Variants in MUC17 observed in about 807,000 individuals in gnomAD.
The protein encoded by MUC17 is mucin-17.
A neutral mutation model predicts 170.3 loss-of-function variants in MUC17; 190 were observed. The observed-to-expected ratio is 1.12, with a 90% CI of 0.99 to 1.26. The LOEUF (loss-of-function observed/expected upper bound fraction) is 1.26, where lower values mean the gene tolerates loss of function less well. Ranked by LOEUF, MUC17 falls within the 50% of genes most tolerant of loss-of-function variation. The probability of loss-of-function intolerance (pLI) is 0.00; values close to 1 mark genes in which losing one functional copy is unlikely to be tolerated. For synonymous variants in MUC17, 2,325 were observed against 2,002.5 expected (o/e 1.16, Z -4.30); for missense variants, 6,415 against 5,530.0 (o/e 1.16, Z -5.08).
At chr7:101,051,581 G>A in intron 7 of MUC17, 32 bp from the exon 8 acceptor site, 6 of 1,610,748 alleles carry the variant, frequency 3.7e-6, no homozygotes, top group Non-Finnish European at 4.2e-6. Context: ...GCGTGTATGT[G>A]TCGTGAGGGG....
At chr7:101,047,037 C>T (rs1345483626) in intron 3 of MUC17, among the ~76,000 whole-genome samples, 6 of 150,838 alleles carry the variant, frequency 4.0e-5, no homozygotes, top group Admixed American at 2.0e-4. Context: ...GCCGAGATCA[C>T]GCCACTGCAC....
At chr7:101,047,366 T>C (rs1253917030) in intron 3 of MUC17, among the ~76,000 whole-genome samples, 1 of 152,028 alleles carries the variant, frequency 6.6e-6, no homozygotes, top group African/African-American at 2.4e-5. Flanking sequence ...TTTCTTCACG[T>C]TTTTGGGGTA....
rs1398936970 is a variant in MUC17, at chr7:101,049,357, G to T, written c.12697G>T (p.Val4233Phe). The T allele has an allele frequency of 6.2e-7, 1 of 1,613,758 alleles. No homozygotes were observed. The highest frequency in any genetic ancestry group is 1.7e-5 in the Admixed American group (1 of 59,962). ...TGTGTATTCCGGGATCCCTGAGTAT[G>T]TCGGGGTGAACATCACAAAGCTACG... ...NIVYSGIPEY[V>F]GVNITKLRLG... Residue 4233 changes from valine (V) to phenylalanine (F), a missense_variant, in exon 6 of 13, where the codon GTC (valine) becomes TTC (phenylalanine). Val to Phe is a conservative substitution (Grantham distance 50). Coordinates refer to ENST00000306151, the MANE Select transcript of MUC17 (RefSeq NM_001040105.2).
intron 3 of MUC17, among the ~76,000 whole-genome samples, chr7:101,047,575 A>G (rs1036684436): frequency 6.6e-6 from 1 of 152,156 alleles, no homozygotes; most frequent in Non-Finnish European, 1.5e-5. Flanking sequence ...CACACTTGTA[A>G]TCCCAGCACT....
rs1199781515 is a variant in MUC17, at chr7:101,051,891, G to C, written c.13032G>C (p.Glu4344Asp). The change falls in exon 9 of 13, where the codon GAG becomes GAC. Residue 4344 changes from glutamate to aspartate, a missense_variant. Glu to Asp is a conservative substitution (Grantham distance 45). Coordinates refer to ENST00000306151, the MANE Select transcript of MUC17 (RefSeq NM_001040105.2). ...AGCCATACTGCATCAGCCCCTGTGA[G>C]CCTGGCTTCAGTGTCTCCAAGAACT... The part of the protein sequence containing the change: ...DQKPYCISPC[E>D]PGFSVSKNCN... 5.6e-6 allele frequency: 9 copies of C among 1,614,112 alleles called. No individual in the cohort carries two copies. The highest frequency in any genetic ancestry group is 7.6e-6 in the Non-Finnish European group (9 of 1,180,036).
At chr7:101,024,147 T>G (rs1218781177) in intron 1 of MUC17, among the ~76,000 whole-genome samples, 1 of 152,080 alleles carries the variant, frequency 6.6e-6, no homozygotes, top group African/African-American at 2.4e-5. Flanking sequence ...ATGCCTGTAA[T>G]CCCAGCCCTT....
At chr7:101,045,596 T>C (rs1794826068) in intron 3 of MUC17, among the ~76,000 whole-genome samples, 1 of 152,188 alleles carries the variant, frequency 6.6e-6, no homozygotes, top group South Asian at 2.1e-4. Context: ...TTTCACCATG[T>C]TGGCCAGGCT....
In MUC17 at chr7:101,020,135, G is replaced by A. The variant is rs928278611; in HGVS notation, c.-1G>A. 7.5e-6 allele frequency: 12 copies of A among 1,593,980 alleles called. No individual in the cohort carries two copies. The highest frequency in any genetic ancestry group is 2.3e-5 in the East Asian group (1 of 43,444). Reference sequence around the variant, plus strand: ...GCAAGTGAGACGTGCTCAGAGCTCCGATGCCAAGGCCAGGGACCATGGCGC... The same window carrying A: ...GCAAGTGAGACGTGCTCAGAGCTCCAATGCCAAGGCCAGGGACCATGGCGC... On this transcript the variant is annotated 5_prime_UTR_variant, in exon 1 of 13. Coordinates refer to ENST00000306151, the MANE Select transcript of MUC17 (RefSeq NM_001040105.2).
chr7:101,050,660 G>A (rs1177962692), intron 7 of MUC17, 25 bp downstream of exon 7: 3 of 1,608,684 alleles, frequency 1.9e-6, no homozygotes, highest in South Asian at 2.2e-5. Flanking sequence ...TCCAGGGAGG[G>A]AAGGGAGAAG....
chr7:101,048,590 T>G (rs1487855378), intron 4 of MUC17, among the ~76,000 whole-genome samples: 1 of 125,790 alleles, frequency 7.9e-6, no homozygotes, highest in Non-Finnish European at 1.6e-5. Flanking sequence ...AACAATACCC[T>G]GTCAAAAAAA....
intron 6 of MUC17, among the ~76,000 whole-genome samples, chr7:101,049,918 G>T (rs1179278022): frequency 6.6e-6 from 1 of 152,118 alleles, no homozygotes; most frequent in Non-Finnish European, 1.5e-5. Flanking sequence ...ATTATTTGAG[G>T]CCGGGAGCAC....
At position 101,037,094 on chromosome 7, in the gene MUC17, T is replaced by C; in HGVS notation, c.5678T>C (p.Val1893Ala). Residue 1893 changes from valine to alanine, a missense_variant, in exon 3 of 13, where the codon GTC (valine) becomes GCC (alanine). Physicochemically the swap from Val to Ala is moderately conservative, Grantham distance 64. Coordinates refer to ENST00000306151, the MANE Select transcript of MUC17 (RefSeq NM_001040105.2). ...ETNTLSTTPAVTSTPVTTYAQ... is the reference protein window; with the variant it reads ...ETNTLSTTPAATSTPVTTYAQ... ...AACACCCTTTCAACAACTCCCGCTG[T>C]CACCAGCACACCTGTGACCACTTAT... is the stretch of plus-strand genomic sequence containing the variant. The C allele has an allele frequency of 6.5e-7, 1 of 1,537,402 alleles. No individual in the cohort carries two copies. Among genetic ancestry groups the C allele is most frequent in the Non-Finnish European group, 8.6e-7 (1 of 1,163,378 alleles).
intron 4 of MUC17, among the ~76,000 whole-genome samples, 169 bp from the exon 5 acceptor site, chr7:101,048,675 TA>T (rs948913813): frequency 2.5e-4 from 38 of 150,520 alleles, no homozygotes; most frequent in African/African-American, 9.3e-4. Flanking sequence ...AGAAAATGAA[TA>T]AAAAGGAAAG....
Position 101,039,896 on chromosome 7 carries a change from C to A in MUC17, c.8480C>A (p.Ala2827Asp), listed in dbSNP as rs747710954. The change falls in exon 3 of 13, where the codon GCT becomes GAT. Residue 2827 changes from alanine (A) to aspartate (D), a missense_variant. By Grantham distance (126) the Ala-to-Asp change is moderately radical. Coordinates refer to ENST00000306151, the MANE Select transcript of MUC17 (RefSeq NM_001040105.2). ...CACACGCCAGTGGCCAGTTCTGAGG[C>A]TGGCACCCTTTCAACAACTCCTGTT... ...VNHTPVASSEAGTLSTTPVDT... is the reference protein window; with the variant it reads ...VNHTPVASSEDGTLSTTPVDT... 31 of 1,613,070 alleles carry A rather than the reference C, an allele frequency of 1.9e-5. No homozygotes were observed. The highest frequency in any genetic ancestry group is 2.5e-5 in the Non-Finnish European group (30 of 1,179,708).
In MUC17 at chr7:101,058,377, G is replaced by T. The variant is rs968728378; in HGVS notation, c.*333G>T. ...TGATTTGGTTGATCTGGCTGAGCAGGCGGGTGTCCCCGTCCTCCCTCACTG... is the reference window on the plus strand; with the variant it reads ...TGATTTGGTTGATCTGGCTGAGCAGTCGGGTGTCCCCGTCCTCCCTCACTG... On this transcript the variant is annotated 3_prime_UTR_variant, in exon 13 of 13. Coordinates refer to ENST00000306151, the MANE Select transcript of MUC17 (RefSeq NM_001040105.2). 6 of 207,306 alleles carry T rather than the reference G, an allele frequency of 2.9e-5. No homozygotes were observed. Among genetic ancestry groups the T allele is most frequent in the African/African-American group, 1.1e-4 (5 of 43,500 alleles). The allele number at this position is 207,306 out of a possible 1,614,324, so 12.8% of individuals were successfully genotyped here. A position where few individuals can be genotyped will look rare whatever the true frequency, so the allele number is the denominator to read the frequency against.
intron 12 of MUC17, among the ~76,000 whole-genome samples, chr7:101,056,538 C>T (rs927387986): frequency 6.6e-6 from 1 of 152,198 alleles, no homozygotes; most frequent in Non-Finnish European, 1.5e-5. Flanking sequence ...CCTTGATGGC[C>T]AACTTACTTA....
chr7:101,031,319 AGTGT>A (rs1794275341), intron 2 of MUC17, 98 bp downstream of exon 2: 7 of 1,503,444 alleles, frequency 4.7e-6, no homozygotes, highest in Middle Eastern at 4.1e-4. Context: ...CATATTTTAC[AGTGT>A]GTGACGGCTT....
chr7:101,026,958 C>T (rs550361695), intron 1 of MUC17, among the ~76,000 whole-genome samples: 26 of 151,832 alleles, frequency 1.7e-4, no homozygotes, highest in African/African-American at 6.1e-4. Context: ...TCAAGCAACC[C>T]TCCCCACTTG....
Position 101,038,169 on chromosome 7 carries a change from G to A in MUC17, c.6753G>A (p.Val2251=). The change falls in exon 3 of 13, where the codon GTG becomes GTA. Residue 2251 remains valine, a synonymous_variant. Transcript: ENST00000306151. ...SATPVDTSTP[V]TTSTEATSSP... is the part of the protein sequence containing the mutation. ...CTCCTGTTGACACCAGCACACCTGT[G>A]ACCACTTCTACTGAAGCCACTTCAT... is the stretch of plus-strand genomic sequence containing the variant. 6.2e-7 allele frequency: 1 copy of A among 1,613,030 alleles called. No homozygotes were observed. Among genetic ancestry groups the A allele is most frequent in the African/African-American group, 1.3e-5 (1 of 74,724 alleles).
Sources: allele counts gnomAD v4.1 joint callset (sites outside exome capture counted in the v4.1 genomes callset), GRCh38; gene constraint gnomAD v4.1.1; transcripts MANE v1.5; gene names NCBI Gene and HGNC (gene_info 2026-07-23, HGNC 2026-07-21).